SBF2: variants seen among roughly 807,000 people sequenced by gnomAD.
SBF2 encodes the protein SET binding factor 2, also known as myotubularin-related protein 13.
SBF2 carries 112 observed loss-of-function variants against 225.2 expected under a neutral mutation model. The ratio of observed to expected loss-of-function variants is 0.50; its 90% confidence interval spans 0.43 to 0.58. The LOEUF is 0.58. Among genes scored for constraint, SBF2 ranks in the 20% least tolerant of loss-of-function variants. The pLI is 0.00. For synonymous variants in SBF2, 763 were observed against 773.3 expected (o/e 0.99, Z 0.22); for missense variants, 1,996 against 2,206.2 (o/e 0.90, Z 1.91).
chr11:10,163,283 C>A (rs995344571), intron 2 of SBF2, among the ~76,000 whole-genome samples: 18 of 152,034 alleles, frequency 1.2e-4, no homozygotes, highest in Admixed American at 1.1e-3. Context: ...CTAAAATACA[C>A]AATAATGACA....
chr11:9,980,413 G>A (rs1348452515), intron 13 of SBF2, among the ~76,000 whole-genome samples: 2 of 151,890 alleles, frequency 1.3e-5, no homozygotes, highest in African/African-American at 2.4e-5. Flanking sequence ...TGAGATCACA[G>A]GCATGAGCCA....
intron 16 of SBF2, among the ~76,000 whole-genome samples, chr11:9,931,319 C>T (rs1276037871): frequency 1.3e-5 from 2 of 152,216 alleles, no homozygotes; most frequent in African/African-American, 4.8e-5. Context: ...GTCCCTGACC[C>T]CTGTGTAGTC....
intron 28 of SBF2, among the ~76,000 whole-genome samples, chr11:9,820,954 G>T (rs754445082): frequency 1.3e-5 from 2 of 152,210 alleles, no homozygotes; most frequent in Non-Finnish European, 2.9e-5. Flanking sequence ...CCTTACAGAT[G>T]AATACATAAT....
intron 32 of SBF2, among the ~76,000 whole-genome samples, chr11:9,798,529 G>A (rs1853273911): frequency 6.6e-6 from 1 of 152,188 alleles, no homozygotes; most frequent in Non-Finnish European, 1.5e-5. Flanking sequence ...TGCCCCAACA[G>A]CCCTTGGGAT....
chr11:9,863,351 G>A (rs1166018963), intron 17 of SBF2, among the ~76,000 whole-genome samples: 1 of 152,208 alleles, frequency 6.6e-6, no homozygotes, highest in Non-Finnish European at 1.5e-5. Context: ...CAAGGCTCTC[G>A]TTTGGGAGCT....
chr11:10,146,160 A>G (rs1173432428), intron 2 of SBF2, among the ~76,000 whole-genome samples: 1 of 152,228 alleles, frequency 6.6e-6, no homozygotes, highest in Non-Finnish European at 1.5e-5. Flanking sequence ...AAAGAAATTT[A>G]TAGATTTAAT....
At chr11:9,794,374 T>A (rs1852956827) in intron 33 of SBF2, among the ~76,000 whole-genome samples, 1 of 152,074 alleles carries the variant, frequency 6.6e-6, no homozygotes, top group Non-Finnish European at 1.5e-5. Flanking sequence ...TACAGGTCAG[T>A]CCACTTAAGA....
Position 9,789,195 on chromosome 11 carries a change from C to T in SBF2, c.4846G>A (p.Gly1616Arg). 2 of 1,614,158 alleles carry T rather than the reference C, an allele frequency of 1.2e-6. No homozygotes were observed. Among genetic ancestry groups the T allele is most frequent in the Non-Finnish European group, 1.7e-6 (2 of 1,180,028 alleles). ...SEDSDLAGEA[G>R]PRSQRRTVWP... ...ACTGTTCTCCTCTGGCTCCGTGGCC[C>T]AGCTTCTCCAGCCAGGTCAGAGTCT... The change falls in exon 35 of 40, where the codon GGG becomes AGG. Residue 1616 changes from glycine (G) to arginine (R), a missense_variant. By Grantham distance (125) the Gly-to-Arg change is moderately radical. Coordinates refer to ENST00000256190, the MANE Select transcript of SBF2 (RefSeq NM_030962.4).
At chr11:10,223,475 G>A (rs1181580169) in intron 1 of SBF2, among the ~76,000 whole-genome samples, 4 of 118,648 alleles carry the variant, frequency 3.4e-5, no homozygotes, top group Non-Finnish European at 6.9e-5. Context: ...CTACAGAAAA[G>A]AAAACGTTTT....
chr11:10,049,182 A>T (rs1467425132), intron 2 of SBF2, among the ~76,000 whole-genome samples: 1 of 152,260 alleles, frequency 6.6e-6, no homozygotes, highest in Non-Finnish European at 1.5e-5. Flanking sequence ...ACAAAAATGT[A>T]ACACAGTATC....
intron 16 of SBF2, among the ~76,000 whole-genome samples, chr11:9,908,850 A>G (rs1199187958): frequency 2.6e-5 from 2 of 76,540 alleles, no homozygotes; most frequent in African/African-American, 7.7e-5. Flanking sequence ...GCGCATGGCT[A>G]ATTTTTTTTT....
Position 9,811,368 on chromosome 11 carries a change from G to C in SBF2, c.4155+1164C>G, listed in dbSNP as rs551508017. On this transcript the variant is annotated intron_variant, in intron 30 of 39. Coordinates refer to ENST00000256190, the MANE Select transcript of SBF2 (RefSeq NM_030962.4). ...AAGTTAAAAAAAGAATTTGCTTTAAGAGTTAACTTTTAAGATGTCAATATC... is the reference window on the plus strand; with the variant it reads ...AAGTTAAAAAAAGAATTTGCTTTAACAGTTAACTTTTAAGATGTCAATATC... 1.5e-3 allele frequency: 223 copies of C among 152,298 alleles called. 1 individual carries two copies. The highest frequency in any genetic ancestry group is 5.1e-3 in the African/African-American group (211 of 41,558). 9.4% of individuals were successfully genotyped at this position (152,298 alleles called of 1,614,324 possible). A position where few individuals can be genotyped will look rare whatever the true frequency, so the allele number is the denominator to read the frequency against.
intron 1 of SBF2, among the ~76,000 whole-genome samples, chr11:10,226,211 T>C (rs1442814367): frequency 1.3e-5 from 2 of 152,102 alleles, no homozygotes; most frequent in South Asian, 2.1e-4. Context: ...TTTATTAGCA[T>C]AGAAAGATGT....
intron 2 of SBF2, among the ~76,000 whole-genome samples, chr11:10,087,353 T>G (rs1951610497): frequency 6.6e-6 from 1 of 152,218 alleles, no homozygotes; most frequent in Non-Finnish European, 1.5e-5. Context: ...TAATTTTTTT[T>G]CAAGAGACAA....
intron 13 of SBF2, among the ~76,000 whole-genome samples, chr11:9,971,599 A>G (rs954054731): frequency 7.9e-5 from 12 of 152,194 alleles, no homozygotes; most frequent in African/African-American, 2.9e-4. Context: ...GGATAGTTTA[A>G]GCCTGGGAGA....
intron 1 of SBF2, among the ~76,000 whole-genome samples, chr11:10,279,413 CA>C (rs775262387): frequency 1.7e-3 from 193 of 114,470 alleles, no homozygotes; most frequent in Admixed American, 1.9e-3. Context: ...GACTCCATCT[CA>C]AAAAAAAAAA....
At chr11:9,908,115 ATCC>A (rs1322757010) in intron 16 of SBF2, among the ~76,000 whole-genome samples, 1 of 152,248 alleles carries the variant, frequency 6.6e-6, no homozygotes, top group African/African-American at 2.4e-5. Context: ...TATAAATAAT[ATCC>A]TCAAGAGAGT....
intron 13 of SBF2, among the ~76,000 whole-genome samples, chr11:9,976,988 G>A (rs958211878): frequency 7.9e-5 from 12 of 151,804 alleles, no homozygotes; most frequent in African/African-American, 2.7e-4. Flanking sequence ...TCGATTTCCT[G>A]ACCTCGTGAT....
At chr11:9,830,234 C>T (rs1377100744) in intron 27 of SBF2, among the ~76,000 whole-genome samples, 1 of 152,112 alleles carries the variant, frequency 6.6e-6, no homozygotes, top group African/African-American at 2.4e-5. Flanking sequence ...ACAAGGACAA[C>T]AGATATTCAT....
Sources: allele counts gnomAD v4.1 joint callset (sites outside exome capture counted in the v4.1 genomes callset), GRCh38; gene constraint gnomAD v4.1.1; transcripts MANE v1.5; gene names NCBI Gene and HGNC (gene_info 2026-07-23, HGNC 2026-07-21).